KIAA1217: variants seen among roughly 807,000 people sequenced by gnomAD.
KIAA1217 encodes the protein KIAA1217.
Under a neutral mutation model 163.9 loss-of-function variants are expected in KIAA1217, and 88 were observed. The ratio of observed to expected loss-of-function variants is 0.54; its 90% CI spans 0.45 to 0.64. KIAA1217 has a LOEUF of 0.64. KIAA1217 is among the 30% of genes least tolerant of loss of function. The probability of loss-of-function intolerance (pLI) is 0.00; values close to 1 mark genes in which losing one functional copy is unlikely to be tolerated. For missense variants in KIAA1217, 2,372 were observed against 2,475.0 expected, an observed-to-expected ratio of 0.96 and a Z score of 0.88; for synonymous variants, 903 against 923.1, an observed-to-expected ratio of 0.98 and a Z score of 0.39.
chr10:23,871,743 A>G (rs1029712215), intron 1 of KIAA1217, among the ~76,000 whole-genome samples: 3 of 152,140 alleles, frequency 2.0e-5, no homozygotes, highest in Non-Finnish European at 4.4e-5. Flanking sequence ...CGTCTTTTCA[A>G]GACTCTAACT....
At chr10:24,241,243 A>G (rs1370890271) in intron 2 of KIAA1217, among the ~76,000 whole-genome samples, 1 of 152,164 alleles carries the variant, frequency 6.6e-6, no homozygotes, top group Non-Finnish European at 1.5e-5. Context: ...TACTGCCTGC[A>G]CTTTTTCTCA....
At chr10:23,965,351 C>T (rs780969782) in intron 1 of KIAA1217, among the ~76,000 whole-genome samples, 20 of 152,250 alleles carry the variant, frequency 1.3e-4, no homozygotes, top group African/African-American at 4.6e-4. Context: ...AGTGCAGTCT[C>T]ACTGGCAAAT....
At chr10:23,770,133 G>T (rs1342439751) in intron 1 of KIAA1217, among the ~76,000 whole-genome samples, 1 of 152,176 alleles carries the variant, frequency 6.6e-6, no homozygotes, top group African/African-American at 2.4e-5. Context: ...TTTGGAGGCT[G>T]GGAGAACCAT....
At chr10:24,238,766 C>T (rs997660703) in intron 2 of KIAA1217, among the ~76,000 whole-genome samples, 9 of 152,150 alleles carry the variant, frequency 5.9e-5, no homozygotes, top group Non-Finnish European at 1.2e-4. Context: ...CTTTATCCTG[C>T]AGAGAGAGAC....
intron 3 of KIAA1217, among the ~76,000 whole-genome samples, chr10:24,429,876 C>T (rs2059452382): frequency 6.6e-6 from 1 of 152,238 alleles, no homozygotes; most frequent in South Asian, 2.1e-4. Flanking sequence ...GACATGGTAG[C>T]TCATGGCTGT....
chr10:23,790,532 C>CATATGTAT (rs1554795158), intron 1 of KIAA1217, among the ~76,000 whole-genome samples: 2 of 80,398 alleles, frequency 2.5e-5, no homozygotes, highest in South Asian at 3.3e-4. Flanking sequence ...TACATATATA[C>CATATGTAT]ATATACATGT....
intron 1 of KIAA1217, among the ~76,000 whole-genome samples, chr10:23,720,001 GGT>G (rs945149343): frequency 3.9e-5 from 6 of 152,076 alleles, no homozygotes; most frequent in African/African-American, 1.4e-4. Flanking sequence ...GAAGATTGGT[GGT>G]TGCCAGGGCC....
Position 24,355,993 on chromosome 10 carries a change from C to T in KIAA1217, c.355-24876C>T, listed in dbSNP as rs755145461. The stretch of plus-strand genomic sequence containing the variant: ...CAAACTCCTGACTTTGTGATCCACC[C>T]GCCTCGGCCTCCCAAAGTGCTGGGA... On this transcript the variant is annotated intron_variant, in intron 2 of 20. Coordinates refer to ENST00000376454, the MANE Select transcript of KIAA1217 (RefSeq NM_019590.5). 7.9e-5 allele frequency among the ~76,000 whole-genome samples: 12 copies of T among 151,790 alleles called. 1 individual carries two copies. The highest frequency in any genetic ancestry group is 4.2e-4 in the South Asian group (2 of 4,798).
intron 6 of KIAA1217, among the ~76,000 whole-genome samples, chr10:24,492,546 A>G (rs1478235236): frequency 6.6e-6 from 1 of 152,066 alleles, no homozygotes; most frequent in Non-Finnish European, 1.5e-5. Context: ...TCCTTGGTGG[A>G]TTTGCAACCT....
At chr10:24,458,682 A>G (rs1166060199) in intron 5 of KIAA1217, among the ~76,000 whole-genome samples, 1 of 152,228 alleles carries the variant, frequency 6.6e-6, no homozygotes, top group Non-Finnish European at 1.5e-5. Context: ...AATGTATCTA[A>G]TGGGAATGAG....
intron 3 of KIAA1217, among the ~76,000 whole-genome samples, chr10:24,412,012 G>T (rs904963381): frequency 1.3e-5 from 2 of 151,962 alleles, no homozygotes; most frequent in African/African-American, 4.8e-5. Context: ...GCCGAGGGTG[G>T]GTTAGTAACA....
chr10:24,092,344 T>C (rs2061966326), intron 2 of KIAA1217, among the ~76,000 whole-genome samples: 1 of 151,802 alleles, frequency 6.6e-6, no homozygotes, highest in Non-Finnish European at 1.5e-5. Context: ...CAAACTACTA[T>C]CATTATCAAG....
intron 1 of KIAA1217, among the ~76,000 whole-genome samples, chr10:23,734,538 C>T (rs543647271): frequency 1.1e-4 from 17 of 152,134 alleles, no homozygotes; most frequent in Admixed American, 5.2e-4. Context: ...ATCCACCTGC[C>T]TTGGCCTCCG....
At chr10:23,990,080 C>T (rs1374077434) in intron 1 of KIAA1217, among the ~76,000 whole-genome samples, 1 of 152,060 alleles carries the variant, frequency 6.6e-6, no homozygotes, top group Non-Finnish European at 1.5e-5. Flanking sequence ...ATCCTGTGTC[C>T]CCTTTTTTAT....
At chr10:23,717,764 C>T (rs1837659135) in intron 1 of KIAA1217, among the ~76,000 whole-genome samples, 2 of 152,120 alleles carry the variant, frequency 1.3e-5, no homozygotes, top group Non-Finnish European at 2.9e-5. Flanking sequence ...CAACATGAGC[C>T]TCAGACTTGA....
chr10:24,308,806 G>T (rs2132944577), intron 2 of KIAA1217, among the ~76,000 whole-genome samples: 1 of 152,158 alleles, frequency 6.6e-6, no homozygotes, highest in African/African-American at 2.4e-5. Flanking sequence ...CTGGCATAAC[G>T]TATTTGTTGG....
At position 24,078,804 on chromosome 10, in the gene KIAA1217, A is replaced by T. The variant is rs1188041754; in HGVS notation, c.-171+71430A>T. Among the ~76,000 whole-genome samples the T allele has an allele frequency of 2.6e-5, 4 of 152,132 alleles. No homozygotes were observed. The South Asian group carries it at 6.2e-4, about 24-fold the overall frequency. Reference sequence around the variant, plus strand: ...AGAGAGAGACAAATGAAAAGGCTGAATCCAGGCCTTCTGTGGCCCGTCTGT... The same window carrying T: ...AGAGAGAGACAAATGAAAAGGCTGATTCCAGGCCTTCTGTGGCCCGTCTGT... On this transcript the variant is annotated intron_variant, in intron 2 of 18. Transcript: ENST00000376462.
At chr10:24,501,773 TAG>T (rs2067642033) in intron 9 of KIAA1217, among the ~76,000 whole-genome samples, 3 of 128,320 alleles carry the variant, frequency 2.3e-5, no homozygotes, top group Non-Finnish European at 4.9e-5. Context: ...TTTTGAGACG[TAG>T]TCTCGCTTTG....
intron 1 of KIAA1217, among the ~76,000 whole-genome samples, chr10:23,720,117 C>T (rs1260292831): frequency 6.6e-6 from 1 of 151,322 alleles, no homozygotes; most frequent in Non-Finnish European, 1.5e-5. Flanking sequence ...GGTGGTTACA[C>T]AAAGTTGTGA....
Sources: allele counts gnomAD v4.1 joint callset (sites outside exome capture counted in the v4.1 genomes callset), GRCh38; gene constraint gnomAD v4.1.1; transcripts MANE v1.5; gene names NCBI Gene and HGNC (gene_info 2026-07-23, HGNC 2026-07-21).